CLIC2: variants seen among roughly 807,000 people sequenced by gnomAD.
CLIC2 encodes the protein chloride intracellular channel protein 2.
In CLIC2, 9 loss-of-function variants were observed where a neutral mutation model predicts 14.8. The ratio of observed to expected loss-of-function variants is 0.61; its 90% confidence interval spans 0.37 to 1.06. The LOEUF (loss-of-function observed/expected upper bound fraction) is 1.06, where lower values mean the gene tolerates loss of function less well. Ranked by LOEUF, CLIC2 falls within the 50% of genes least tolerant of loss-of-function variation. The probability of loss-of-function intolerance (pLI) is 0.01; values close to 1 mark genes in which losing one functional copy is unlikely to be tolerated. For synonymous variants in CLIC2, 61 were observed against 66.3 expected, an observed-to-expected ratio of 0.92 and a Z score of 0.39; for missense variants, 148 against 181.4, an observed-to-expected ratio of 0.82 and a Z score of 1.06.
chrX:155,315,273 A>G (rs2075091014), intron 1 of CLIC2, among the ~76,000 whole-genome samples: 2 of 112,321 alleles, frequency 1.8e-5, no homozygotes, highest in South Asian at 3.6e-4. Flanking sequence ...TGGAAAATTT[A>G]TCACAAAAAG....
intron 3 of CLIC2, among the ~76,000 whole-genome samples, chrX:155,290,192 C>G (rs1468656652): frequency 8.9e-6 from 1 of 112,046 alleles, no homozygotes; most frequent in Non-Finnish European, 1.9e-5. Flanking sequence ...AATCATGACT[C>G]TTATGTAACA....
intron 1 of CLIC2, among the ~76,000 whole-genome samples, chrX:155,306,625 A>T (rs782217760): frequency 6.5e-4 from 72 of 111,545 alleles, no homozygotes; most frequent in Non-Finnish European, 7.3e-4. Context: ...TGGCTGTACA[A>T]ACATGGCACC....
intron 1 of CLIC2, among the ~76,000 whole-genome samples, chrX:155,311,709 C>T (rs1328518322): frequency 1.8e-5 from 2 of 111,531 alleles, no homozygotes; most frequent in Non-Finnish European, 3.8e-5. Context: ...AAGACATACC[C>T]GACACTGGGC....
chrX:155,327,467 T>C (rs1337400243), intron 1 of CLIC2, among the ~76,000 whole-genome samples: 5 of 111,376 alleles, frequency 4.5e-5, no homozygotes, highest in African/African-American at 1.6e-4. Flanking sequence ...AGTGATATTT[T>C]GTAATTTATG....
intron 3 of CLIC2, among the ~76,000 whole-genome samples, chrX:155,297,951 T>C (rs1557318553): frequency 9.4e-6 from 1 of 106,867 alleles, no homozygotes; most frequent in East Asian, 2.9e-4. Flanking sequence ...TCAGCCATGT[T>C]GCGAAATGCC....
chrX:155,292,409 T>C, intron 3 of CLIC2: 2 of 561,404 alleles, frequency 3.6e-6, no homozygotes, highest in Non-Finnish European at 6.5e-6. Flanking sequence ...AAAAAGAACG[T>C]CAACGAATTA....
chrX:155,298,251 G>A (rs2075001327), intron 3 of CLIC2, among the ~76,000 whole-genome samples: 1 of 112,042 alleles, frequency 8.9e-6, no homozygotes, highest in Non-Finnish European at 1.9e-5. Flanking sequence ...TACTAAGTTT[G>A]TGGTAATTTG....
At position 155,298,913 on chromosome X, in the gene CLIC2, A is replaced by G. The variant is rs2075004704; in HGVS notation, c.168-3T>C. ...AGTCCTTTAGTTCTTCAGGCTTTCTATGATTATTAAAAATAAGCAGAGTTA... is the reference window on the plus strand; with the variant it reads ...AGTCCTTTAGTTCTTCAGGCTTTCTGTGATTATTAAAAATAAGCAGAGTTA... On this transcript the variant is annotated splice_region_variant and splice_polypyrimidine_tract_variant and intron_variant, in intron 2 of 5. Transcript: ENST00000369449. 1 of 1,206,610 alleles carries G rather than the reference A, an allele frequency of 8.3e-7. No homozygotes were observed. Among genetic ancestry groups the G allele is most frequent in the African/African-American group, 1.8e-5 (1 of 57,020 alleles).
chrX:155,299,987 T>A (rs782464326), intron 1 of CLIC2, among the ~76,000 whole-genome samples: 1 of 110,061 alleles, frequency 9.1e-6, no homozygotes, highest in Non-Finnish European at 1.9e-5. Context: ...TGTTGGACAT[T>A]TGGGTTGGTT....
intron 1 of CLIC2, among the ~76,000 whole-genome samples, chrX:155,332,634 A>G (rs1557322923): frequency 1.7e-5 from 1 of 58,046 alleles, no homozygotes; most frequent in East Asian, 6.3e-4. Context: ...CTGTATTCAT[A>G]AAAGAGGGTT....
In CLIC2 at chrX:155,279,250, C is replaced by A. The variant is rs1765761; in HGVS notation, c.481G>T (p.Asp161Tyr). The A allele has an allele frequency of 1.7e-6, 2 of 1,209,444 alleles. No homozygotes were observed. The highest frequency in any genetic ancestry group is 1.7e-5 in the African/African-American group (1 of 57,836). The change falls in exon 5 of 6, where the codon GAC (aspartate) becomes TAC (tyrosine). Residue 161 changes from aspartate to tyrosine, a missense_variant. Asp to Tyr is a radical substitution (Grantham distance 160, BLOSUM62 -3). Coordinates refer to ENST00000369449, the MANE Select transcript of CLIC2 (RefSeq NM_001289.6). ...GAAACTGGGGGTTCCTCAGCACTGT[C>A]TGGATCAATTTCATCCAGAAGTGGG... ...NTPLLDEIDP[D>Y]SAEEPPVSRR... is the part of the protein sequence containing the mutation.
chrX:155,292,735 A>T, intron 3 of CLIC2: 1 of 431,639 alleles, frequency 2.3e-6, no homozygotes, highest in Non-Finnish European at 4.0e-6. Context: ...GCGCCACTGC[A>T]CTCCAGCCTG....
At chrX:155,287,157 T>A (rs139489146) in intron 3 of CLIC2, among the ~76,000 whole-genome samples, 1,487 of 111,600 alleles carry the variant, frequency 0.013, 25 homozygotes, top group African/African-American at 0.046. Context: ...AAGGAACGGG[T>A]CCAGCTTCAA....
At chrX:155,333,420 C>G (rs2075163661) in intron 1 of CLIC2, among the ~76,000 whole-genome samples, 1 of 110,435 alleles carries the variant, frequency 9.1e-6, no homozygotes, top group African/African-American at 3.3e-5. Context: ...TATACAAGCA[C>G]CATTAATAAC....
chrX:155,294,319 A>G (rs1013578950), intron 3 of CLIC2, among the ~76,000 whole-genome samples: 6 of 112,091 alleles, frequency 5.4e-5, no homozygotes, highest in Non-Finnish European at 1.9e-5. Context: ...AATGGTCAAT[A>G]AAGAATTTAA....
intron 1 of CLIC2, chrX:155,309,664 A>G (rs1557320353): frequency 5.5e-6 from 1 of 181,270 alleles, no homozygotes; most frequent in Admixed American, 6.4e-5. Context: ...ATGAGAGCCA[A>G]GTGAAAGGGG....
Position 155,285,917 on chromosome X carries a change from G to T in CLIC2, c.294-5849C>A, listed in dbSNP as rs2074940637. ...CAGAAGGAAGAAACTCCCCCATACC[G>T]AGACAGAGGGAGGGGGGCTCCAAAG... is the stretch of plus-strand genomic sequence containing the variant. On this transcript the variant is annotated intron_variant, in intron 3 of 5. Coordinates refer to ENST00000369449, the MANE Select transcript of CLIC2 (RefSeq NM_001289.6). Among the ~76,000 whole-genome samples the T allele has an allele frequency of 2.7e-5, 3 of 109,171 alleles. No individual in the cohort carries two copies. In the South Asian group the frequency reaches 1.3e-3, roughly 46 times the overall value. The allele number at this position is 109,171 out of a possible 115,157, so 94.8% of individuals were successfully genotyped here.
At chrX:155,288,934 C>T (rs1371392379) in intron 3 of CLIC2, among the ~76,000 whole-genome samples, 6 of 110,514 alleles carry the variant, frequency 5.4e-5, no homozygotes, top group Non-Finnish European at 7.6e-5. Flanking sequence ...CACCTGAGGT[C>T]GGGAGTTCAC....
At chrX:155,282,434 C>G (rs930531256) in intron 3 of CLIC2, among the ~76,000 whole-genome samples, 4 of 111,373 alleles carry the variant, frequency 3.6e-5, no homozygotes, top group Admixed American at 1.9e-4. Context: ...CCAGACTTTG[C>G]CTCAGACCCA....
Sources: gnomAD v4.1 joint callset for allele counts (sites outside exome capture counted in the v4.1 genomes callset) on GRCh38, gnomAD v4.1.1 for gene constraint, MANE v1.5 for transcripts, NCBI Gene and HGNC (gene_info 2026-07-23, HGNC 2026-07-21) for gene names.